The following GPATCH8 variants were observed in gnomAD, a reference collection of about 807,000 sequenced individuals.
GPATCH8 encodes G patch domain-containing protein 8.
Under a neutral mutation model 118.3 loss-of-function variants are expected in GPATCH8, and 18 were observed. That is an observed-to-expected ratio of 0.15 (90% confidence interval 0.11 to 0.23). GPATCH8 has a LOEUF of 0.23. Ranked by LOEUF, GPATCH8 falls within the 10% of genes least tolerant of loss-of-function variation. The pLI is 1.00. For synonymous variants in GPATCH8, 659 were observed against 684.7 expected (o/e 0.96, Z 0.59); for missense variants, 1,631 against 1,873.8 (o/e 0.87, Z 2.39).
chr17:44,399,740 T>G lies in GPATCH8; in HGVS notation c.2337A>C (p.Gln779His). 6.2e-7 allele frequency: 1 copy of G among 1,614,010 alleles called. No homozygotes were observed. Among genetic ancestry groups the G allele is most frequent in the Non-Finnish European group, 8.5e-7 (1 of 1,179,990 alleles). Residue 779 changes from glutamine to histidine, a missense_variant, in exon 8 of 8, where the codon CAA (glutamine) becomes CAC (histidine). Coordinates refer to ENST00000591680, the MANE Select transcript of GPATCH8 (RefSeq NM_001002909.4). ...KDEGGGGSSS[Q>H]DHGGRKHKGE... ...CTTTGTGTTTCCTCCCACCATGGTC[T>G]TGGGAGCTGCTACCACCCCCACCTT...
intron 6 of GPATCH8, among the ~76,000 whole-genome samples, chr17:44,420,182 A>G (rs1198002638): frequency 6.6e-6 from 1 of 152,176 alleles, no homozygotes; most frequent in Non-Finnish European, 1.5e-5. Flanking sequence ...GCAGTCCATG[A>G]GTTCTCCATG....
At chr17:44,402,588 AG>A (rs1386806289) in intron 7 of GPATCH8, among the ~76,000 whole-genome samples, 1 of 152,198 alleles carries the variant, frequency 6.6e-6, no homozygotes, top group Non-Finnish European at 1.5e-5. Context: ...GATCAAGACC[AG>A]TCTGGGCAAC....
At position 44,432,459 on chromosome 17, in the gene GPATCH8, C is replaced by T. The variant is rs145120498; in HGVS notation, c.348+2606G>A. ...GCTGAGAGGACTAAGAGGGACATGA[C>T]ACATGAGAGGATTAATTGGCAGCTC... On this transcript the variant is annotated intron_variant, in intron 5 of 7. Transcript: ENST00000591680. 7.6e-3 allele frequency among the ~76,000 whole-genome samples: 1,164 copies of T among 152,176 alleles called. 7 individuals are homozygous for T. The highest frequency in any genetic ancestry group is 0.031 in the Middle Eastern group (9 of 294).
At chr17:44,468,999 T>C (rs1335473328) in intron 2 of GPATCH8, among the ~76,000 whole-genome samples, 6 of 152,208 alleles carry the variant, frequency 3.9e-5, no homozygotes, top group Non-Finnish European at 8.8e-5. Context: ...TGGTTGGAAA[T>C]GAAGTTCTTC....
chr17:44,459,054 C>T (rs1051854822), intron 3 of GPATCH8, among the ~76,000 whole-genome samples: 1 of 152,162 alleles, frequency 6.6e-6, no homozygotes, highest in Non-Finnish European at 1.5e-5. Flanking sequence ...TCCAATGCCA[C>T]GACTGAGTGA....
intron 1 of GPATCH8, among the ~76,000 whole-genome samples, chr17:44,475,429 T>C (rs1387812961): frequency 6.7e-6 from 1 of 149,762 alleles, no homozygotes; most frequent in African/African-American, 2.5e-5. Flanking sequence ...CCGGGCGCGG[T>C]GGCTCACGCC....
At chr17:44,454,086 C>T (rs985807533) in intron 3 of GPATCH8, among the ~76,000 whole-genome samples, 1 of 152,168 alleles carries the variant, frequency 6.6e-6, no homozygotes, top group Non-Finnish European at 1.5e-5. Context: ...ATATCTATTC[C>T]TCCCTCCTCA....
At chr17:44,414,214 A>G (rs1354702320) in intron 6 of GPATCH8, among the ~76,000 whole-genome samples, 2 of 150,428 alleles carry the variant, frequency 1.3e-5, no homozygotes, top group African/African-American at 2.4e-5. Flanking sequence ...TATGTAGTAC[A>G]TATTTTCACC....
At chr17:44,414,226 C>T (rs953958063) in intron 6 of GPATCH8, among the ~76,000 whole-genome samples, 35 of 150,888 alleles carry the variant, frequency 2.3e-4, no homozygotes, top group African/African-American at 8.5e-4. Context: ...ATTTTCACCA[C>T]CACTACCACC....
intron 1 of GPATCH8, among the ~76,000 whole-genome samples, chr17:44,487,922 C>CTTTT (rs1243028763): frequency 1.5e-5 from 2 of 135,954 alleles, no homozygotes; most frequent in African/African-American, 2.7e-5. Context: ...AACCAATTAG[C>CTTTT]TTTTTTTTTT....
At chr17:44,499,994 T>C (rs1969942347) in intron 1 of GPATCH8, among the ~76,000 whole-genome samples, 1 of 151,582 alleles carries the variant, frequency 6.6e-6, no homozygotes, top group Non-Finnish European at 1.5e-5. Context: ...AATTTATCAT[T>C]GTTGAAAGCC....
intron 6 of GPATCH8, among the ~76,000 whole-genome samples, chr17:44,413,622 C>T (rs538130987): frequency 7.9e-5 from 12 of 152,220 alleles, no homozygotes; most frequent in East Asian, 3.9e-4. Context: ...ACCATAGATG[C>T]GTGCCACCAC....
At chr17:44,486,015 C>G (rs1223750002) in intron 1 of GPATCH8, 1 of 152,210 alleles carries the variant, frequency 6.6e-6, no homozygotes, top group Non-Finnish European at 1.5e-5. Flanking sequence ...CTACCTCAGC[C>G]CCCCAGGTAA....
chr17:44,408,116 TC>T (rs781461503), intron 6 of GPATCH8, among the ~76,000 whole-genome samples: 5 of 152,098 alleles, frequency 3.3e-5, no homozygotes, highest in Non-Finnish European at 7.4e-5. Context: ...AGTTTTTTCT[TC>T]CCCAAACACG....
At chr17:44,461,845 C>A (rs2051563282) in intron 3 of GPATCH8, among the ~76,000 whole-genome samples, 1 of 129,784 alleles carries the variant, frequency 7.7e-6, no homozygotes. Context: ...CATGGACTAC[C>A]AAGCCCAACT....
chr17:44,450,575 C>G (rs1409334994), intron 3 of GPATCH8, among the ~76,000 whole-genome samples: 1 of 93,786 alleles, frequency 1.1e-5, no homozygotes, highest in African/African-American at 4.2e-5. Context: ...AACTAATAAA[C>G]TACATTTGAA....
At chr17:44,475,436 C>T (rs539703584) in intron 1 of GPATCH8, among the ~76,000 whole-genome samples, 1 of 151,338 alleles carries the variant, frequency 6.6e-6, no homozygotes, top group East Asian at 1.9e-4. Context: ...CGGTGGCTCA[C>T]GCCTGTAATC....
rs551960737 is a variant in GPATCH8 at position 44,428,718 on chromosome 17, G to A, written c.349-4226C>T. Among the ~76,000 whole-genome samples, 8 of 152,048 alleles carry A rather than the reference G, an allele frequency of 5.3e-5. No individual in the cohort carries two copies. In the East Asian group the frequency reaches 1.4e-3, roughly 26 times the overall value. Reference sequence around the variant, plus strand: ...CTCGGGAAGCTGAGGTGGGAGGATCGCTTGAGTCCAGGAGGTCGAGGCTGC... The same window carrying A: ...CTCGGGAAGCTGAGGTGGGAGGATCACTTGAGTCCAGGAGGTCGAGGCTGC... On this transcript the variant is annotated intron_variant, in intron 5 of 7. Transcript: ENST00000591680.
Position 44,399,362 on chromosome 17 carries a change from G to A in GPATCH8, c.2715C>T (p.Ser905=). 6.2e-7 allele frequency: 1 copy of A among 1,614,154 alleles called. No homozygotes were observed. The highest frequency in any genetic ancestry group is 1.1e-5 in the South Asian group (1 of 91,076). Residue 905 remains serine (S), a synonymous_variant, in exon 8 of 8, where the codon TCC becomes TCT. Coordinates refer to ENST00000591680, the MANE Select transcript of GPATCH8 (RefSeq NM_001002909.4). ...AGTCATCTGAGTCATGGGAGCGCTT[G>A]GAGTGCCTTCGTGATCTGTCACTGT... The part of the protein sequence containing the change: ...SDYSDRSRRH[S]KRSHDSDDSD...
Sources: gnomAD v4.1 joint callset for allele counts (sites outside exome capture counted in the v4.1 genomes callset) on GRCh38, gnomAD v4.1.1 for gene constraint, MANE v1.5 for transcripts, NCBI Gene and HGNC (gene_info 2026-07-23, HGNC 2026-07-21) for gene names.